The following ACTR3B variants were observed in gnomAD, a reference collection of about 807,000 sequenced individuals.
The protein encoded by ACTR3B is actin related protein 3B, also known as actin-related protein 3B.
In ACTR3B, 8 loss-of-function variants were observed where a neutral mutation model predicts 59.0. That is an observed-to-expected ratio of 0.14 (90% CI 0.08 to 0.24). The LOEUF (loss-of-function observed/expected upper bound fraction) is 0.24. ACTR3B is among the 10% of genes least tolerant of loss of function. The pLI is 1.00. For missense variants in ACTR3B, 245 were observed against 552.3 expected (o/e 0.44, Z 5.58); for synonymous variants, 148 against 197.9 (o/e 0.75, Z 2.12).
chr7:152,844,914 G>A (rs1798150595), intron 9 of ACTR3B, among the ~76,000 whole-genome samples: 2 of 146,462 alleles, frequency 1.4e-5, no homozygotes, highest in African/African-American at 2.5e-5. Flanking sequence ...GAAAAAGCCT[G>A]TAATGCTACC....
At chr7:152,775,675 C>T (rs2098134648) in intron 1 of ACTR3B, among the ~76,000 whole-genome samples, 1 of 151,832 alleles carries the variant, frequency 6.6e-6, no homozygotes, top group Non-Finnish European at 1.5e-5. Context: ...AGGAGAATCG[C>T]TTGAACCCAG....
chr7:152,765,916 G>T (rs1002540141), intron 1 of ACTR3B, among the ~76,000 whole-genome samples: 34 of 152,150 alleles, frequency 2.2e-4, no homozygotes, highest in African/African-American at 8.0e-4. Flanking sequence ...GAGTGGGTGA[G>T]ATTGTGAGCA....
chr7:152,785,412 AGGGAGAGGGAGG>A (rs2098168947), intron 2 of ACTR3B, among the ~76,000 whole-genome samples: 2 of 2,766 alleles, frequency 7.2e-4, no homozygotes, highest in African/African-American at 2.2e-3. Flanking sequence ...GGGGAGAGGG[AGGGAGAGGGAGG>A]GAGAGAGAGG....
intron 2 of ACTR3B, 73 bp from the exon 3 acceptor site, chr7:152,800,458 G>T: frequency 3.2e-6 from 5 of 1,560,910 alleles, no homozygotes; most frequent in East Asian, 2.3e-5. Context: ...TGTATATAAG[G>T]ATATTATCCC....
chr7:152,770,805 C>T (rs2098122174), intron 1 of ACTR3B, among the ~76,000 whole-genome samples: 1 of 134,426 alleles, frequency 7.4e-6, no homozygotes. Flanking sequence ...GTTGAGCAAG[C>T]AGGTCCAGGG....
intron 1 of ACTR3B, among the ~76,000 whole-genome samples, chr7:152,767,888 A>C (rs1285479424): frequency 6.6e-6 from 1 of 152,030 alleles, no homozygotes; most frequent in Non-Finnish European, 1.5e-5. Flanking sequence ...TATTTGTATA[A>C]ATTTTTCCCT....
Position 152,820,287 on chromosome 7 carries a change from C to T in ACTR3B, c.541-12C>T. 1 of 1,576,178 alleles carries T rather than the reference C, an allele frequency of 6.3e-7. No individual in the cohort carries two copies. Among genetic ancestry groups the T allele is most frequent in the Non-Finnish European group, 8.6e-7 (1 of 1,156,136 alleles). The stretch of plus-strand genomic sequence containing the variant: ...CACTAACACAGCTGTTCTGCCTCCT[C>T]TTCTTCCCTAGGCAGAAGGTTATGT... On this transcript the variant is annotated splice_polypyrimidine_tract_variant and intron_variant, in intron 6 of 11. Transcript: ENST00000256001.
At chr7:152,852,818 GTCTC>G (rs1193546624) in intron 10 of ACTR3B, among the ~76,000 whole-genome samples, 1 of 151,954 alleles carries the variant, frequency 6.6e-6, no homozygotes, top group Non-Finnish European at 1.5e-5. Context: ...TTGAGACAGA[GTCTC>G]TCTCTGTCGC....
At position 152,847,203 on chromosome 7, in the gene ACTR3B, G is replaced by A. The variant is rs147639773; in HGVS notation, c.952-4923G>A. Among the ~76,000 whole-genome samples the A allele has an allele frequency of 3.4e-3, 507 of 151,208 alleles. 2 individuals carry two copies. The highest frequency in any genetic ancestry group is 0.011 in the African/African-American group (469 of 41,162). ...GCTGTAGTCTGTAGTGAGCCCCAGTGTCCGGGCTGTAGTCTGCAGTGAGCT... is the reference window on the plus strand; with the variant it reads ...GCTGTAGTCTGTAGTGAGCCCCAGTATCCGGGCTGTAGTCTGCAGTGAGCT... On this transcript the variant is annotated intron_variant, in intron 9 of 11. Transcript: ENST00000256001.
chr7:152,852,275 A>G (rs1253048891), intron 10 of ACTR3B, 24 bp downstream of exon 10: 6 of 1,530,346 alleles, frequency 3.9e-6, no homozygotes, highest in African/African-American at 1.4e-5. Flanking sequence ...GCCTCCACGC[A>G]GTGCCTGGGG....
Position 152,820,545 on chromosome 7 carries a change from C to A in ACTR3B, c.684+103C>A. ...CCCTGCTCCTCCTTTCCTTCCTCTC[C>A]CCTTCCCATGAATGTGGGGCTTGAT... On this transcript the variant is annotated intron_variant, in intron 7 of 11. Transcript: ENST00000256001. 6 of 1,476,514 alleles carry A rather than the reference C, an allele frequency of 4.1e-6. No individual in the cohort carries two copies. In the South Asian group the frequency reaches 8.3e-5, roughly 20 times the overall value. The allele number at this position is 1,476,514 out of a possible 1,614,324, so 91.5% of individuals were successfully genotyped here.
chr7:152,761,174 C>T (rs1034896094), intron 1 of ACTR3B, among the ~76,000 whole-genome samples: 2 of 152,126 alleles, frequency 1.3e-5, no homozygotes, highest in African/African-American at 2.4e-5. Flanking sequence ...AGCTTTGTAG[C>T]TCTTTATTTT....
intron 7 of ACTR3B, among the ~76,000 whole-genome samples, chr7:152,821,127 G>C (rs1312543646): frequency 2.0e-5 from 3 of 152,196 alleles, no homozygotes; most frequent in Admixed American, 6.5e-5. Flanking sequence ...TGGGAAGGGG[G>C]CTCTCAGCGC....
At chr7:152,777,795 A>G (rs2098139889) in intron 1 of ACTR3B, among the ~76,000 whole-genome samples, 1 of 152,114 alleles carries the variant, frequency 6.6e-6, no homozygotes, top group African/African-American at 2.4e-5. Context: ...TACTAAAAAT[A>G]CAAAAATTAG....
chr7:152,836,866 T>G (rs1449035973), intron 9 of ACTR3B, among the ~76,000 whole-genome samples: 1 of 152,204 alleles, frequency 6.6e-6, no homozygotes, highest in African/African-American at 2.4e-5. Flanking sequence ...TACTCTTCCT[T>G]GTGGAAATTG....
chr7:152,795,958 C>T lies in ACTR3B; in HGVS notation c.101-4573C>T, dbSNP rs377439163. 6.4e-4 allele frequency among the ~76,000 whole-genome samples: 97 copies of T among 152,174 alleles called. 1 individual carries two copies. The highest frequency in any genetic ancestry group is 2.2e-3 in the African/African-American group (93 of 41,508). ...TCCCAAGTTCAAGTGATTCTCCTGC[C>T]TCAGCCTCCCAAGTAGCTGGGATTA... is the stretch of plus-strand genomic sequence containing the variant. On this transcript the variant is annotated intron_variant, in intron 2 of 11. Coordinates refer to ENST00000256001, the MANE Select transcript of ACTR3B (RefSeq NM_020445.6).
intron 9 of ACTR3B, among the ~76,000 whole-genome samples, chr7:152,851,745 C>T (rs376979589): frequency 1.8e-4 from 28 of 152,222 alleles, no homozygotes; most frequent in African/African-American, 6.7e-4. Context: ...AAGACTTTCC[C>T]CCAGTGATGG....
chr7:152,788,037 G>T (rs1307080160), intron 2 of ACTR3B, among the ~76,000 whole-genome samples: 1 of 151,948 alleles, frequency 6.6e-6, no homozygotes, highest in Non-Finnish European at 1.5e-5. Flanking sequence ...TGATTCTCCT[G>T]CCTCAGCCTC....
rs73490965 is a variant in ACTR3B, at chr7:152,847,436, A to G, written c.952-4690A>G. Among the ~76,000 whole-genome samples the G allele has an allele frequency of 3.2e-3, 485 of 152,280 alleles. 2 individuals carry two copies. Among genetic ancestry groups the G allele is most frequent in the African/African-American group, 0.011 (466 of 41,542 alleles). On this transcript the variant is annotated intron_variant, in intron 9 of 11. Coordinates refer to ENST00000256001, the MANE Select transcript of ACTR3B (RefSeq NM_020445.6). ...AAATGAGAACCCAGCATCCTTTCAT[A>G]AACTCGTTGAACAATTAACTGTATT...
Sources: allele counts gnomAD v4.1 joint callset (sites outside exome capture counted in the v4.1 genomes callset), GRCh38; gene constraint gnomAD v4.1.1; transcripts MANE v1.5; gene names NCBI Gene and HGNC (gene_info 2026-07-23, HGNC 2026-07-21).